The following WBP2NL variants were observed in gnomAD, a reference collection of about 807,000 sequenced individuals.
WBP2NL encodes the protein postacrosomal sheath WW domain-binding protein.
A neutral mutation model predicts 23.3 loss-of-function variants in WBP2NL; 27 were observed. That is an observed-to-expected ratio of 1.16 (90% confidence interval 0.85 to 1.60). The LOEUF (loss-of-function observed/expected upper bound fraction) is 1.60, where lower values mean the gene tolerates loss of function less well. WBP2NL is among the 40% of genes most tolerant of loss of function. The probability of loss-of-function intolerance (pLI) is 0.00; values close to 1 mark genes in which losing one functional copy is unlikely to be tolerated. For missense variants in WBP2NL, 370 were observed against 389.5 expected, an observed-to-expected ratio of 0.95 and a Z score of 0.42; for synonymous variants, 151 against 145.9, an observed-to-expected ratio of 1.03 and a Z score of -0.25.
intron 1 of WBP2NL, among the ~76,000 whole-genome samples, chr22:42,014,708 A>G (rs976776480): frequency 3.3e-5 from 5 of 152,182 alleles, no homozygotes; most frequent in South Asian, 2.1e-4. Flanking sequence ...TTCAAGTTCA[A>G]TAATTCTCTC....
intron 8 of WBP2NL, among the ~76,000 whole-genome samples, chr22:42,045,104 T>C (rs898347774): frequency 1.8e-4 from 28 of 152,242 alleles, no homozygotes; most frequent in East Asian, 7.7e-4. Flanking sequence ...GCACTGTGAT[T>C]AGAAGCATAA....
chr22:42,055,013 A>G (rs1301308968), intron 8 of WBP2NL, among the ~76,000 whole-genome samples: 1 of 152,196 alleles, frequency 6.6e-6, no homozygotes, highest in African/African-American at 2.4e-5. Flanking sequence ...AGATACTGAA[A>G]TTGAAAGTGT....
At chr22:42,053,447 T>G (rs1205489212) in intron 8 of WBP2NL, among the ~76,000 whole-genome samples, 1 of 151,880 alleles carries the variant, frequency 6.6e-6, no homozygotes, top group Admixed American at 6.6e-5. Context: ...ATCTTTTTTT[T>G]TCCTCTTTTT....
chr22:42,028,903 C>G (rs184521468), downstream of WBP2NL, among the ~76,000 whole-genome samples: 13 of 152,292 alleles, frequency 8.5e-5, no homozygotes, highest in Non-Finnish European at 1.6e-4. Context: ...CTTGCATCTT[C>G]GACTCCTCAC....
chr22:42,026,650 G>T, intron 5 of WBP2NL, 116 bp from the exon 6 acceptor site: 2 of 1,473,008 alleles, frequency 1.4e-6, no homozygotes, highest in South Asian at 2.7e-5. Flanking sequence ...GCATTATTCT[G>T]CCTGACTTCT....
chr22:42,025,020 C>G (rs1924351000), intron 5 of WBP2NL, among the ~76,000 whole-genome samples: 1 of 152,198 alleles, frequency 6.6e-6, no homozygotes, highest in Non-Finnish European at 1.5e-5. Flanking sequence ...TCAGACTCAT[C>G]TAGAACTCCT....
rs774198391 is a variant in WBP2NL, at chr22:42,026,771, G to A, written c.520G>A (p.Val174Ile). Residue 174 changes from valine to isoleucine, a missense_variant, in exon 6 of 6, where the codon GTC (valine) becomes ATC (isoleucine). Coordinates refer to ENST00000328823, the MANE Select transcript of WBP2NL (RefSeq NM_152613.3). ...CTPQMPCSVI[V>I]YGAPPAGYGA... Reference sequence around the variant, plus strand: ...CCTTCCATTATAATTCCCAGTTATTGTCTATGGAGCCCCACCTGCAGGATA... The same window carrying A: ...CCTTCCATTATAATTCCCAGTTATTATCTATGGAGCCCCACCTGCAGGATA... 1 of 1,613,266 alleles carries A rather than the reference G, an allele frequency of 6.2e-7. No individual in the cohort carries two copies. Among genetic ancestry groups the A allele is most frequent in the South Asian group, 1.1e-5 (1 of 91,052 alleles).
chr22:42,051,576 T>A (rs1037865221), intron 8 of WBP2NL, among the ~76,000 whole-genome samples: 5 of 152,222 alleles, frequency 3.3e-5, no homozygotes, highest in Non-Finnish European at 5.9e-5. Context: ...TGCAGGATGT[T>A]AACAATAGGG....
chr22:42,015,932 C>T (rs1446741039), intron 1 of WBP2NL, among the ~76,000 whole-genome samples: 3 of 151,910 alleles, frequency 2.0e-5, no homozygotes, highest in Admixed American at 1.3e-4. Flanking sequence ...GTTTTTTTGC[C>T]CCAGTTGTCA....
chr22:42,009,138 A>G (rs1050600788), intron 1 of WBP2NL, among the ~76,000 whole-genome samples: 15 of 151,998 alleles, frequency 9.9e-5, no homozygotes, highest in African/African-American at 3.6e-4. Flanking sequence ...CTGGTCTTGA[A>G]CTACTGACCT....
rs1602467676 is a variant in WBP2NL at position 42,026,999 on chromosome 22, C to G, written c.748C>G (p.Leu250Val). ...ACCTCTTGGATATGGAACCCCACCT[C>G]TCGGATATGGAGCCCCACCTCTCGG... The part of the protein sequence containing the change: ...APPLGYGTPP[L>V]GYGAPPLGYG... The change falls in exon 6 of 6, where the codon CTC (leucine) becomes GTC (valine). Residue 250 changes from leucine to valine, a missense_variant. Leu to Val is a conservative substitution (Grantham distance 32). Transcript: ENST00000328823. The G allele has an allele frequency of 6.2e-7, 1 of 1,609,390 alleles. No individual in the cohort carries two copies. The highest frequency in any genetic ancestry group is 1.1e-5 in the South Asian group (1 of 90,964).
At chr22:42,036,160 G>A (rs1186116829), downstream of WBP2NL, among the ~76,000 whole-genome samples, 3 of 152,002 alleles carry the variant, frequency 2.0e-5, no homozygotes, top group Admixed American at 6.6e-5. Flanking sequence ...CTATAGGATT[G>A]TTTGATCATA....
At chr22:42,034,865 G>C (rs868127441), downstream of WBP2NL, among the ~76,000 whole-genome samples, 16 of 152,376 alleles carry the variant, frequency 1.1e-4, 2 homozygotes, top group South Asian at 3.1e-3. Flanking sequence ...GGTGGTCAGA[G>C]TTTAAGGTTA....
downstream of WBP2NL, chr22:42,031,450 C>T (rs1391708539): frequency 2.0e-5 from 3 of 152,174 alleles, no homozygotes; most frequent in Admixed American, 1.3e-4. Flanking sequence ...CTGTCTCTTC[C>T]CCAGCTGCAA....
At chr22:42,046,390 G>C (rs1569454564) in intron 8 of WBP2NL, among the ~76,000 whole-genome samples, 2 of 152,132 alleles carry the variant, frequency 1.3e-5, no homozygotes, top group Admixed American at 6.5e-5. Context: ...TAGAAAATTA[G>C]GTTAATAATG....
intron 1 of WBP2NL, among the ~76,000 whole-genome samples, chr22:42,014,216 C>T (rs990817087): frequency 9.3e-5 from 14 of 151,300 alleles, no homozygotes; most frequent in Non-Finnish European, 1.8e-4. Flanking sequence ...CCACTGTTTC[C>T]GGCTCAGATA....
At chr22:42,001,505 C>G (rs191494497) in intron 1 of WBP2NL, 13 of 982,790 alleles carry the variant, frequency 1.3e-5, no homozygotes, top group Non-Finnish European at 1.9e-5. Flanking sequence ...ACCGAAACCT[C>G]GCAATTCCCT....
At chr22:42,001,645 CTG>C in intron 1 of WBP2NL, 1 of 1,171,538 alleles carries the variant, frequency 8.5e-7, no homozygotes, top group South Asian at 1.2e-5. Context: ...AGCGCCAAAA[CTG>C]GGATCTCTTG....
intron 1 of WBP2NL, among the ~76,000 whole-genome samples, chr22:42,017,264 T>C (rs1923388451): frequency 6.6e-6 from 1 of 152,170 alleles, no homozygotes; most frequent in South Asian, 2.1e-4. Context: ...TACAGGCATG[T>C]ACCACCATGC....
Sources: gnomAD v4.1 joint callset for allele counts (sites outside exome capture counted in the v4.1 genomes callset) on GRCh38, gnomAD v4.1.1 for gene constraint, MANE v1.5 for transcripts, NCBI Gene and HGNC (gene_info 2026-07-23, HGNC 2026-07-21) for gene names.